CDH4: variants seen among roughly 807,000 people sequenced by gnomAD.
The protein encoded by CDH4 is cadherin 4, also known as cadherin-4.
Under a neutral mutation model 86.0 loss-of-function variants are expected in CDH4, and 33 were observed. The ratio of observed to expected loss-of-function variants is 0.38; its 90% confidence interval spans 0.29 to 0.51. The LOEUF is 0.51. Among genes scored for constraint, CDH4 ranks in the 20% least tolerant of loss-of-function variants. CDH4 has a pLI of 0.86. For missense variants in CDH4, 1,114 were observed against 1,307.4 expected (o/e 0.85, Z 2.28); for synonymous variants, 555 against 549.4 (o/e 1.01, Z -0.14).
intron 2 of CDH4, among the ~76,000 whole-genome samples, chr20:61,302,679 A>T (rs1273735446): frequency 1.3e-5 from 2 of 152,132 alleles, no homozygotes; most frequent in African/African-American, 2.4e-5. Flanking sequence ...TGTGAGACAC[A>T]CCTGTTTCGG....
At position 61,480,143 on chromosome 20, in the gene CDH4, C is replaced by G. The variant is rs1041848435; in HGVS notation, c.169+225206C>G. 2.0e-5 allele frequency among the ~76,000 whole-genome samples: 3 copies of G among 151,928 alleles called. No homozygotes were observed. The highest frequency in any genetic ancestry group is 1.3e-4 in the Admixed American group (2 of 15,272). On this transcript the variant is annotated intron_variant, in intron 2 of 15. Transcript: ENST00000614565. This position sits in a 1 kb window ranked among gnomAD's most constrained non-coding sequence, Gnocchi z 5.2. ...AATGTTCTTGGCTAATTCTGTCATC[C>G]TGATATATTTTATTGATTGCTTTTT...
chr20:61,782,978 A>G (rs1457043463), intron 4 of CDH4, among the ~76,000 whole-genome samples: 4 of 152,192 alleles, frequency 2.6e-5, no homozygotes, highest in African/African-American at 4.8e-5. Flanking sequence ...CCAGCTACTC[A>G]GGAGGCTGAG....
chr20:61,655,204 G>A (rs184083509), intron 2 of CDH4, among the ~76,000 whole-genome samples: 3 of 152,318 alleles, frequency 2.0e-5, no homozygotes, highest in Admixed American at 1.3e-4. Context: ...ATGGGAAAAC[G>A]GCTGGACACA....
chr20:61,860,915 A>G (rs1365143626), intron 6 of CDH4, among the ~76,000 whole-genome samples: 1 of 152,212 alleles, frequency 6.6e-6, no homozygotes, highest in Non-Finnish European at 1.5e-5. Context: ...AGGGCAGAGA[A>G]GTACCCGGGG....
chr20:61,381,760 AC>A (rs1325200571), intron 2 of CDH4, among the ~76,000 whole-genome samples: 36 of 152,146 alleles, frequency 2.4e-4, no homozygotes, highest in African/African-American at 7.0e-4. Context: ...ATCACATGAC[AC>A]CTTTCAGAAA....
Position 61,934,115 on chromosome 20 carries a change from C to T in CDH4, c.2439C>T (p.Ala813=). The change falls in exon 15 of 16, where the codon GCC becomes GCT. Residue 813 remains alanine, a synonymous_variant. Coordinates refer to ENST00000614565, the MANE Select transcript of CDH4 (RefSeq NM_001794.5). ...PEAMGHVPSK[A]PGVRRVDERP... is the part of the protein sequence containing the mutation. ...CCATGGGGCACGTGCCAAGCAAAGC[C>T]CCTGGCGTGCGTCGCGTGGATGAGC... 6.2e-7 allele frequency: 1 copy of T among 1,611,526 alleles called. No homozygotes were observed. The highest frequency in any genetic ancestry group is 8.5e-7 in the Non-Finnish European group (1 of 1,179,754).
chr20:61,792,230 C>G (rs1319469909), intron 4 of CDH4, among the ~76,000 whole-genome samples: 5 of 152,194 alleles, frequency 3.3e-5, no homozygotes, highest in African/African-American at 1.2e-4. Flanking sequence ...GGAAAGGGAG[C>G]CATCGAGGCT....
intron 2 of CDH4, among the ~76,000 whole-genome samples, chr20:61,297,878 C>T (rs570431943): frequency 3.3e-5 from 5 of 152,356 alleles, no homozygotes; most frequent in South Asian, 2.1e-4. Context: ...TATATTATGG[C>T]GCTGTGGAGC....
intron 2 of CDH4, among the ~76,000 whole-genome samples, chr20:61,545,903 G>A (rs1424421165): frequency 4.0e-5 from 6 of 148,348 alleles, no homozygotes; most frequent in Non-Finnish European, 3.0e-5. Flanking sequence ...TCGTATGTGT[G>A]TGTGTGGAGG....
At position 61,501,475 on chromosome 20, in the gene CDH4, G is replaced by T. The variant is rs534848228; in HGVS notation, c.170-242088G>T. 7.9e-5 allele frequency among the ~76,000 whole-genome samples: 12 copies of T among 152,250 alleles called. No individual in the cohort carries two copies. The East Asian group carries it at 2.3e-3, about 30-fold the overall frequency. ...TCCAGGTGGGAAGAATTTATTAGGT[G>T]AGCGATGTAGCTGGAACGAGGCCTG... On this transcript the variant is annotated intron_variant, in intron 2 of 15. Transcript: ENST00000614565. This position sits in a 1 kb window ranked among gnomAD's most constrained non-coding sequence, Gnocchi z 4.2.
At position 61,416,693 on chromosome 20, in the gene CDH4, G is replaced by A. The variant is rs558265569; in HGVS notation, c.169+161756G>A. On this transcript the variant is annotated intron_variant, in intron 2 of 15. Transcript: ENST00000614565. ...CATTAGACACTCACACCCCAGCTCT[G>A]CTCAGACCAGACCCATTGAAGGCAC... is the stretch of plus-strand genomic sequence containing the variant. 5.3e-5 allele frequency among the ~76,000 whole-genome samples: 8 copies of A among 152,262 alleles called. No individual in the cohort carries two copies. In the East Asian group the frequency reaches 5.8e-4, roughly 11 times the overall value.
intron 2 of CDH4, among the ~76,000 whole-genome samples, chr20:61,452,804 G>A (rs998617718): frequency 5.3e-5 from 8 of 152,174 alleles, no homozygotes; most frequent in Admixed American, 3.3e-4. Flanking sequence ...GCCCCTGGCA[G>A]GTGGAGAAGA....
At chr20:61,294,782 T>A (rs2123190697) in intron 2 of CDH4, among the ~76,000 whole-genome samples, 1 of 152,336 alleles carries the variant, frequency 6.6e-6, no homozygotes, top group South Asian at 2.1e-4. Flanking sequence ...GACCCTTGTG[T>A]GTGAGGCCTG....
chr20:61,424,576 C>T (rs1249235550), intron 2 of CDH4, among the ~76,000 whole-genome samples: 1 of 152,228 alleles, frequency 6.6e-6, no homozygotes, highest in Non-Finnish European at 1.5e-5. Flanking sequence ...ATGTGGTCCT[C>T]CCATGGCCCT....
chr20:61,326,148 T>G (rs1031030067), intron 2 of CDH4, among the ~76,000 whole-genome samples: 2 of 152,226 alleles, frequency 1.3e-5, no homozygotes, highest in Admixed American at 6.5e-5. Context: ...CAAGTTTTTC[T>G]CATGGAATCT....
chr20:61,804,891 A>G (rs1358404291), intron 4 of CDH4, among the ~76,000 whole-genome samples: 1 of 152,200 alleles, frequency 6.6e-6, no homozygotes, highest in East Asian at 1.9e-4. Flanking sequence ...ACATAAACGG[A>G]ACATACAGAG....
intron 1 of CDH4, among the ~76,000 whole-genome samples, chr20:61,253,364 G>T (rs926737010): frequency 4.6e-5 from 7 of 151,950 alleles, no homozygotes; most frequent in African/African-American, 1.7e-4. Context: ...GCCTGGCGAG[G>T]TGCGCGGCCC....
chr20:61,914,490 G>T lies in CDH4; in HGVS notation c.1374+3883G>T, dbSNP rs6061385. Among the ~76,000 whole-genome samples, 932 of 152,256 alleles carry T rather than the reference G, an allele frequency of 6.1e-3. 7 individuals carry two copies. Among genetic ancestry groups the T allele is most frequent in the African/African-American group, 0.021 (878 of 41,546 alleles). The stretch of plus-strand genomic sequence containing the variant: ...TGGGACTTGTGCTTCTTCTTCCCGG[G>T]TGCGGGCTCAGCCTCGGCAGAATAA... On this transcript the variant is annotated intron_variant, in intron 9 of 15. Coordinates refer to ENST00000614565, the MANE Select transcript of CDH4 (RefSeq NM_001794.5).
At chr20:61,284,331 A>G (rs2084281683) in intron 2 of CDH4, among the ~76,000 whole-genome samples, 1 of 152,094 alleles carries the variant, frequency 6.6e-6, no homozygotes, top group Non-Finnish European at 1.5e-5. Flanking sequence ...AAATCTGCTT[A>G]GCTTTCCTCC....
Sources: allele counts gnomAD v4.1 joint callset (sites outside exome capture counted in the v4.1 genomes callset), GRCh38; gene constraint gnomAD v4.1.1; non-coding constraint Gnocchi (gnomAD v3.1); transcripts MANE v1.5; gene names NCBI Gene and HGNC (gene_info 2026-07-23, HGNC 2026-07-21).